Variants in IARS1 observed in about 807,000 individuals in gnomAD.
The protein encoded by IARS1 is isoleucine--tRNA ligase, cytoplasmic.
In IARS1, 124 loss-of-function variants were observed where a neutral mutation model predicts 168.2. The observed-to-expected ratio is 0.74, with a 90% CI of 0.64 to 0.86. The LOEUF (loss-of-function observed/expected upper bound fraction) is 0.86, where lower values mean the gene tolerates loss of function less well. Ranked by LOEUF, IARS1 falls within the 40% of genes least tolerant of loss-of-function variation. The probability of loss-of-function intolerance (pLI) is 0.00; values close to 1 mark genes in which losing one functional copy is unlikely to be tolerated. For missense variants in IARS1, 1,452 were observed against 1,515.8 expected, an observed-to-expected ratio of 0.96 and a Z score of 0.70; for synonymous variants, 532 against 529.4, an observed-to-expected ratio of 1.00 and a Z score of -0.07.
chr9:92,249,883 T>C lies in IARS1; in HGVS notation c.2591A>G (p.Lys864Arg), dbSNP rs2133691769. ...CTCAATGATATACTTCTCCAAAGAC[T>C]TGATATCTTTAAGAGCTTCTGGATC... The part of the protein sequence containing the change: ...HQDPEALKDI[K>R]SLEKYIIEEL... The change falls in exon 25 of 34, where the codon AAG becomes AGG. Residue 864 changes from lysine (K) to arginine (R), a missense_variant. Physicochemically the swap from Lys to Arg is conservative, Grantham distance 26. Transcript: ENST00000443024. 6.2e-7 allele frequency: 1 copy of C among 1,600,720 alleles called. No homozygotes were observed. The highest frequency in any genetic ancestry group is 8.6e-7 in the Non-Finnish European group (1 of 1,168,280).
At chr9:92,247,581 A>G in intron 25 of IARS1, 30 bp from the exon 26 acceptor site, 1 of 1,597,336 alleles carries the variant, frequency 6.3e-7, no homozygotes, top group Non-Finnish European at 8.6e-7. Flanking sequence ...GGAAACAAAA[A>G]TGAGAAATGA....
intron 20 of IARS1, among the ~76,000 whole-genome samples, chr9:92,255,268 G>A (rs1324399795): frequency 6.6e-6 from 1 of 152,228 alleles, no homozygotes; most frequent in Admixed American, 6.5e-5. Flanking sequence ...GCATGTGCCC[G>A]TATCTAGGCT....
intron 9 of IARS1, among the ~76,000 whole-genome samples, chr9:92,275,093 T>C (rs1461251988): frequency 6.6e-6 from 1 of 152,236 alleles, no homozygotes; most frequent in Non-Finnish European, 1.5e-5. Context: ...ATACATATAA[T>C]GCTAACAGAC....
intron 17 of IARS1, among the ~76,000 whole-genome samples, chr9:92,261,273 C>A (rs983968459): frequency 1.4e-4 from 22 of 151,992 alleles, no homozygotes; most frequent in African/African-American, 5.3e-4. Flanking sequence ...CACGCCACTA[C>A]ACTCCAGCCT....
intron 6 of IARS1, among the ~76,000 whole-genome samples, chr9:92,285,486 C>T (rs905313873): frequency 6.6e-6 from 1 of 152,088 alleles, no homozygotes; most frequent in African/African-American, 2.4e-5. Flanking sequence ...ACAAGCAAAA[C>T]CTATCACATT....
intron 13 of IARS1, 79 bp downstream of exon 13, chr9:92,269,806 A>G (rs1378787110): frequency 4.3e-6 from 4 of 928,122 alleles, no homozygotes; most frequent in Admixed American, 3.6e-5. Context: ...TATTAAAATT[A>G]TAACTTGGGG....
chr9:92,244,893 C>T, intron 27 of IARS1, 66 bp downstream of exon 27: 1 of 1,291,770 alleles, frequency 7.7e-7, no homozygotes. Flanking sequence ...AAGGCACAGG[C>T]AAATACTTTC....
In IARS1 at chr9:92,243,199, T is replaced by C; in HGVS notation, c.3000+17A>G. 6.2e-7 allele frequency: 1 copy of C among 1,601,246 alleles called. No individual in the cohort carries two copies. ...AAAAAGCCAAAACAGTAGCTTATTCTTAACTGACAAACTAACCTTTTTGCG... is the reference window on the plus strand; with the variant it reads ...AAAAAGCCAAAACAGTAGCTTATTCCTAACTGACAAACTAACCTTTTTGCG... On this transcript the variant is annotated intron_variant, in intron 28 of 33. Transcript: ENST00000443024.
chr9:92,265,075 G>C lies in IARS1; in HGVS notation c.1554C>G (p.His518Gln). ...IPSRCGKGSL[H>Q]RISEVFDCWF... ...AACAGTCAAACACTTCAGAGATGCG[G>C]TGCAAGGATCCCTTCCCACAGCGTG... The change falls in exon 16 of 34, where the codon CAC becomes CAG. Residue 518 changes from histidine (H) to glutamine (Q), a missense_variant. By Grantham distance (24) the His-to-Gln change is conservative. Transcript: ENST00000443024. 7 of 1,614,130 alleles carry C rather than the reference G, an allele frequency of 4.3e-6. No individual in the cohort carries two copies. The highest frequency in any genetic ancestry group is 5.9e-6 in the Non-Finnish European group (7 of 1,180,020).
intron 1 of IARS1, among the ~76,000 whole-genome samples, chr9:92,292,877 C>T (rs1836602060): frequency 6.6e-6 from 1 of 152,172 alleles, no homozygotes; most frequent in African/African-American, 2.4e-5. Context: ...TCCAGAATTG[C>T]TTCCCTTTTA....
At chr9:92,290,288 T>A (rs1416917548) in intron 1 of IARS1, among the ~76,000 whole-genome samples, 1 of 152,240 alleles carries the variant, frequency 6.6e-6, no homozygotes, top group East Asian at 1.9e-4. Flanking sequence ...TTGATTTGCA[T>A]TTCCCTAAGG....
intron 13 of IARS1, 132 bp from the exon 14 acceptor site, chr9:92,268,432 G>A: frequency 1.2e-6 from 1 of 839,054 alleles, no homozygotes; most frequent in Non-Finnish European, 1.9e-6. Flanking sequence ...TCACTGCAAA[G>A]AGAATGTCTT....
At chr9:92,241,051 A>G (rs1828325162) in intron 29 of IARS1, 90 bp from the exon 30 acceptor site, 1 of 737,544 alleles carries the variant, frequency 1.4e-6, no homozygotes, top group Non-Finnish European at 2.5e-6. Flanking sequence ...TCTCAGTAAC[A>G]ACAAGAGCTG....
intron 17 of IARS1, 74 bp from the exon 18 acceptor site, chr9:92,260,308 A>G: frequency 1.0e-6 from 1 of 989,666 alleles, no homozygotes; most frequent in Non-Finnish European, 1.6e-6. Context: ...GATACAAATC[A>G]TTTGCAAACA....
At chr9:92,217,798 A>G (rs1475932034) in intron 33 of IARS1, among the ~76,000 whole-genome samples, 1 of 152,124 alleles carries the variant, frequency 6.6e-6, no homozygotes, top group Non-Finnish European at 1.5e-5. Context: ...TACCAACCAA[A>G]AAGAGTCCAG....
chr9:92,281,013 T>A, intron 6 of IARS1, 120 bp from the exon 7 acceptor site: 2 of 550,470 alleles, frequency 3.6e-6, no homozygotes, highest in Non-Finnish European at 5.8e-6. Flanking sequence ...AGAAACCACT[T>A]ACCAGACTTA....
At chr9:92,234,232 T>C (rs956154827) in intron 30 of IARS1, among the ~76,000 whole-genome samples, 1 of 152,236 alleles carries the variant, frequency 6.6e-6, no homozygotes, top group Non-Finnish European at 1.5e-5. Flanking sequence ...TGATTTCTAT[T>C]CAATTACTTT....
chr9:92,240,365 G>C (rs1478876221), intron 30 of IARS1: 1 of 313,904 alleles, frequency 3.2e-6, no homozygotes, highest in African/African-American at 2.2e-5. Context: ...CCGGGTTCAA[G>C]AAATTCTCAT....
At chr9:92,279,089 G>C (rs1212043977) in intron 7 of IARS1, among the ~76,000 whole-genome samples, 1 of 152,120 alleles carries the variant, frequency 6.6e-6, no homozygotes, top group African/African-American at 2.4e-5. Context: ...CATAAGCTAT[G>C]ATATTACACA....
Sources: allele counts gnomAD v4.1 joint callset (sites outside exome capture counted in the v4.1 genomes callset), GRCh38; gene constraint gnomAD v4.1.1; transcripts MANE v1.5; gene names NCBI Gene and HGNC (gene_info 2026-07-23, HGNC 2026-07-21).